The following AGBL1 variants were observed in gnomAD, a reference collection of about 807,000 sequenced individuals.
AGBL1 encodes AGBL carboxypeptidase 1, also known as cytosolic carboxypeptidase 4.
In AGBL1, 130 loss-of-function variants were observed where a neutral mutation model predicts 118.9. That is an observed-to-expected ratio of 1.09 (90% CI 0.95 to 1.26). The LOEUF is 1.26. AGBL1 is among the 50% of genes most tolerant of loss of function. The probability of loss-of-function intolerance (pLI) is 0.00; values close to 1 mark genes in which losing one functional copy is unlikely to be tolerated. For synonymous variants in AGBL1, 555 were observed against 478.9 expected, an observed-to-expected ratio of 1.16 and a Z score of -2.08; for missense variants, 1,584 against 1,298.1, an observed-to-expected ratio of 1.22 and a Z score of -3.38.
chr15:86,994,063 C>T (rs545037665), intron 24 of AGBL1, among the ~76,000 whole-genome samples: 10 of 152,160 alleles, frequency 6.6e-5, no homozygotes, highest in East Asian at 5.8e-4. Flanking sequence ...CATTCTGTGA[C>T]GCAGGTTCTG....
Position 86,674,612 on chromosome 15 carries a change from C to A in AGBL1, c.3158+176C>A, listed in dbSNP as rs79806572. On this transcript the variant is annotated intron_variant, in intron 22 of 22. Transcript: ENST00000614907. The stretch of plus-strand genomic sequence containing the variant: ...CCTACTGATGAAAAAGAGGATGCTG[C>A]CTGTTTGTACACATATATGCAAATA... Among the ~76,000 whole-genome samples, 734 of 152,126 alleles carry A rather than the reference C, an allele frequency of 4.8e-3. 3 individuals carry two copies. Among genetic ancestry groups the A allele is most frequent in the African/African-American group, 0.017 (699 of 41,500 alleles).
At chr15:86,273,640 C>T (rs772648570) in intron 15 of AGBL1, among the ~76,000 whole-genome samples, 2 of 152,176 alleles carry the variant, frequency 1.3e-5, no homozygotes, top group Non-Finnish European at 2.9e-5. Flanking sequence ...CTTTGCTTCT[C>T]TCCTGCCTTT....
chr15:86,680,344 G>GT (rs1254701687), intron 22 of AGBL1, among the ~76,000 whole-genome samples: 1 of 151,886 alleles, frequency 6.6e-6, no homozygotes, highest in South Asian at 2.1e-4. Flanking sequence ...AATCAATGGA[G>GT]TTTTTTGCAT....
At chr15:86,919,892 A>G (rs917834256), downstream of AGBL1, among the ~76,000 whole-genome samples, 2 of 152,188 alleles carry the variant, frequency 1.3e-5, no homozygotes, top group East Asian at 1.9e-4. Context: ...AGGGAGAAGG[A>G]GTAGGCAGGG....
At chr15:86,922,558 T>C (rs910848255) in intron 23 of AGBL1, among the ~76,000 whole-genome samples, 3 of 152,122 alleles carry the variant, frequency 2.0e-5, no homozygotes, top group African/African-American at 7.2e-5. Context: ...TCCCAAAATG[T>C]TGGAATTACA....
intron 22 of AGBL1, among the ~76,000 whole-genome samples, chr15:86,768,378 G>C (rs143264082): frequency 6.6e-6 from 1 of 151,864 alleles, no homozygotes; most frequent in Admixed American, 6.6e-5. Context: ...GCTATAGCCC[G>C]CAAGCATGAT....
At chr15:86,357,994 A>AT (rs2080747979) in intron 17 of AGBL1, among the ~76,000 whole-genome samples, 1 of 152,128 alleles carries the variant, frequency 6.6e-6, no homozygotes, top group Admixed American at 6.5e-5. Context: ...GCTAATTAAT[A>AT]TATCTATCAC....
At chr15:87,008,787 G>A (rs949409577) in intron 24 of AGBL1, among the ~76,000 whole-genome samples, 23 of 152,200 alleles carry the variant, frequency 1.5e-4, no homozygotes, top group African/African-American at 5.5e-4. Flanking sequence ...GGTGACTCTT[G>A]TTATGTTTTA....
intron 21 of AGBL1, among the ~76,000 whole-genome samples, chr15:86,577,210 A>G (rs2084103874): frequency 1.3e-5 from 2 of 152,154 alleles, no homozygotes; most frequent in South Asian, 4.1e-4. Flanking sequence ...TCTCACATGG[A>G]GATGAGGACC....
chr15:86,166,331 CCT>C (rs1218236313), intron 5 of AGBL1, among the ~76,000 whole-genome samples: 1 of 152,178 alleles, frequency 6.6e-6, no homozygotes, highest in African/African-American at 2.4e-5. Flanking sequence ...ATGAGGAAGG[CCT>C]TGCATTCTGA....
At chr15:86,273,351 G>A (rs1023508860) in intron 15 of AGBL1, among the ~76,000 whole-genome samples, 15 of 152,256 alleles carry the variant, frequency 9.9e-5, no homozygotes, top group Non-Finnish European at 1.3e-4. Flanking sequence ...AACCATGAAT[G>A]TATAATATAA....
At chr15:86,557,813 G>A (rs935768792) in intron 21 of AGBL1, among the ~76,000 whole-genome samples, 12 of 152,110 alleles carry the variant, frequency 7.9e-5, no homozygotes, top group Non-Finnish European at 1.5e-4. Context: ...TGACAAGTGA[G>A]TAAGTAAGTG....
chr15:86,278,004 C>T (rs761701884), intron 15 of AGBL1, among the ~76,000 whole-genome samples: 1 of 152,252 alleles, frequency 6.6e-6, no homozygotes, highest in South Asian at 2.1e-4. Flanking sequence ...TATGTTTGCA[C>T]GGAGGCTTTA....
chr15:86,244,057 A>G (rs1047088649), intron 6 of AGBL1, among the ~76,000 whole-genome samples: 37 of 69,156 alleles, frequency 5.4e-4, no homozygotes, highest in African/African-American at 2.5e-3. Context: ...ATAGATAGAT[A>G]AATAAGTAAA....
At chr15:86,963,786 C>T (rs769287475) in intron 23 of AGBL1, among the ~76,000 whole-genome samples, 2 of 151,852 alleles carry the variant, frequency 1.3e-5, no homozygotes, top group Non-Finnish European at 2.9e-5. Flanking sequence ...TTTTTCTGAA[C>T]AATGGTCCTC....
intron 7 of AGBL1, among the ~76,000 whole-genome samples, chr15:86,252,281 C>G (rs1317053114): frequency 6.6e-6 from 1 of 152,176 alleles, no homozygotes; most frequent in African/African-American, 2.4e-5. Context: ...GCCAACAAGA[C>G]CAATGACCTC....
intron 17 of AGBL1, among the ~76,000 whole-genome samples, chr15:86,311,489 A>T (rs1234464641): frequency 6.6e-6 from 1 of 152,148 alleles, no homozygotes; most frequent in Admixed American, 6.5e-5. Context: ...GCTTTCTTTT[A>T]TGGTTCTTGG....
At chr15:86,130,330 A>G (rs969255388) in intron 1 of AGBL1, among the ~76,000 whole-genome samples, 1 of 151,720 alleles carries the variant, frequency 6.6e-6, no homozygotes, top group African/African-American at 2.4e-5. Flanking sequence ...TTTAAATTTT[A>G]TTATTATTAT....
chr15:86,236,346 T>A (rs1167570754), intron 6 of AGBL1, among the ~76,000 whole-genome samples: 1 of 53,822 alleles, frequency 1.9e-5, no homozygotes, highest in Non-Finnish European at 3.8e-5. Flanking sequence ...ACTACTACTT[T>A]TTTTTTTTTT....
Sources: gnomAD v4.1 joint callset for allele counts (sites outside exome capture counted in the v4.1 genomes callset) on GRCh38, gnomAD v4.1.1 for gene constraint, MANE v1.5 for transcripts, NCBI Gene and HGNC (gene_info 2026-07-23, HGNC 2026-07-21) for gene names.